SNAP91: variants seen among roughly 807,000 people sequenced by gnomAD.
The protein encoded by SNAP91 is synaptosome associated protein 91, also known as clathrin coat assembly protein AP180.
Under a neutral mutation model 100.3 loss-of-function variants are expected in SNAP91, and 27 were observed. That is an observed-to-expected ratio of 0.27 (90% confidence interval 0.20 to 0.37). SNAP91 has a LOEUF of 0.37. Among genes scored for constraint, SNAP91 ranks in the 10% least tolerant of loss-of-function variants. The probability of loss-of-function intolerance (pLI) is 1.00; values close to 1 mark genes in which losing one functional copy is unlikely to be tolerated. For synonymous variants in SNAP91, 404 were observed against 398.6 expected, an observed-to-expected ratio of 1.01 and a Z score of -0.16; for missense variants, 986 against 1,123.7, an observed-to-expected ratio of 0.88 and a Z score of 1.75.
Position 83,675,880 on chromosome 6 carries a change from C to A in SNAP91, c.131-10299G>T, listed in dbSNP as rs551103217. On this transcript the variant is annotated intron_variant, in intron 2 of 29. Transcript: ENST00000369694. ...CACACAGAGTTATAATTAGATTCAC[C>A]CTTTGGCTGCCAATGTCAAAAAAGA... 2.2e-4 allele frequency among the ~76,000 whole-genome samples: 21 copies of A among 93,366 alleles called. 1 individual carries two copies. The South Asian group carries it at 7.3e-3, about 32-fold the overall frequency. The allele number at this position is 93,366 out of a possible 152,430, so 61.3% of individuals were successfully genotyped here. A position where few individuals can be genotyped will look rare whatever the true frequency, so the allele number is the denominator to read the frequency against.
chr6:83,656,403 G>T (rs576005149), intron 7 of SNAP91, among the ~76,000 whole-genome samples: 1 of 152,216 alleles, frequency 6.6e-6, no homozygotes, highest in East Asian at 1.9e-4. Context: ...TATCATCACT[G>T]CTGAGTCCTC....
Position 83,553,628 on chromosome 6 carries a change from C to G in SNAP91, c.*668G>C, listed in dbSNP as rs1773856612. 1 of 151,986 alleles carries G rather than the reference C, an allele frequency of 6.6e-6. No homozygotes were observed. Among genetic ancestry groups the G allele is most frequent in the Non-Finnish European group, 1.5e-5 (1 of 67,994 alleles). 9.4% of individuals were successfully genotyped at this position (151,986 alleles called of 1,614,324 possible). A position where few individuals can be genotyped will look rare whatever the true frequency, so the allele number is the denominator to read the frequency against. The stretch of plus-strand genomic sequence containing the variant: ...ATATAGCAGTGATAAATAGGGGATT[C>G]TTCCCATACGATTTTTCGTTCTTGA... On this transcript the variant is annotated 3_prime_UTR_variant, in exon 30 of 30. Coordinates refer to ENST00000369694, the MANE Select transcript of SNAP91 (RefSeq NM_001242792.2).
At chr6:83,555,757 A>T (rs1372226612) in intron 29 of SNAP91, among the ~76,000 whole-genome samples, 2 of 152,202 alleles carry the variant, frequency 1.3e-5, no homozygotes, top group Non-Finnish European at 2.9e-5. Flanking sequence ...TAAAAATACA[A>T]TTATGCAGTC....
Position 83,592,939 on chromosome 6 carries a change from C to A in SNAP91, c.1846+7G>T. ...CTCTGAAGTCCTGACCTTGGCAAAG[C>A]ACTCACCAGATAAGAGGTCAGCAGT... On this transcript the variant is annotated splice_region_variant and intron_variant, in intron 20 of 29. Coordinates refer to ENST00000369694, the MANE Select transcript of SNAP91 (RefSeq NM_001242792.2). The A allele has an allele frequency of 6.4e-7, 1 of 1,573,478 alleles. No homozygotes were observed. Among genetic ancestry groups the A allele is most frequent in the Non-Finnish European group, 8.6e-7 (1 of 1,158,226 alleles).
intron 3 of SNAP91, among the ~76,000 whole-genome samples, chr6:83,663,865 C>T (rs2098616953): frequency 6.6e-6 from 1 of 152,116 alleles, no homozygotes; most frequent in Non-Finnish European, 1.5e-5. Context: ...CAGTACCTGA[C>T]TTCAAAACTT....
At chr6:83,593,285 T>TACTCA (rs779114030) in intron 18 of SNAP91, 26 bp from the exon 19 acceptor site, 95 of 1,569,952 alleles carry the variant, frequency 6.1e-5, no homozygotes, top group Non-Finnish European at 8.0e-5. Context: ...CACATGCCTT[T>TACTCA]ACTCAACTTG....
chr6:83,627,343 A>G (rs866107999), intron 8 of SNAP91, among the ~76,000 whole-genome samples: 1 of 151,988 alleles, frequency 6.6e-6, no homozygotes, highest in Non-Finnish European at 1.5e-5. Context: ...AGATTTTAGT[A>G]TCAGGATGAC....
chr6:83,631,182 T>C (rs1254136166), intron 8 of SNAP91, among the ~76,000 whole-genome samples: 2 of 152,186 alleles, frequency 1.3e-5, no homozygotes, highest in South Asian at 2.1e-4. Flanking sequence ...TTTCCAGTTT[T>C]ATTCCACTGT....
chr6:83,579,328 T>A (rs1824531731), intron 24 of SNAP91, among the ~76,000 whole-genome samples: 1 of 152,168 alleles, frequency 6.6e-6, no homozygotes, highest in South Asian at 2.1e-4. Context: ...TGAAAGGGGA[T>A]ACATTATAGT....
intron 2 of SNAP91, among the ~76,000 whole-genome samples, chr6:83,706,528 A>G (rs932608459): frequency 2.0e-5 from 3 of 152,272 alleles, no homozygotes; most frequent in African/African-American, 7.2e-5. Context: ...TCTAGAAACA[A>G]AATTATTCAA....
rs117338734 is a variant in SNAP91, at chr6:83,561,988, T to C, written c.2443-1041A>G. On this transcript the variant is annotated intron_variant, in intron 26 of 29. Transcript: ENST00000369694. Reference sequence around the variant, plus strand: ...ATGCAGTGAGTTGTAATAGCACCACTGTACTTCAGCCTGTGGACAAAGTGA... The same window carrying C: ...ATGCAGTGAGTTGTAATAGCACCACCGTACTTCAGCCTGTGGACAAAGTGA... Among the ~76,000 whole-genome samples, 49 of 152,288 alleles carry C rather than the reference T, an allele frequency of 3.2e-4. 1 individual carries two copies. The East Asian group carries it at 8.9e-3, about 28-fold the overall frequency.
chr6:83,692,301 G>A (rs545784371), intron 2 of SNAP91, among the ~76,000 whole-genome samples: 13 of 152,246 alleles, frequency 8.5e-5, no homozygotes, highest in African/African-American at 3.1e-4. Flanking sequence ...GATCACTTGA[G>A]GTCAAGAGTT....
At chr6:83,662,145 TA>T (rs2098554802) in intron 4 of SNAP91, among the ~76,000 whole-genome samples, 2 of 152,090 alleles carry the variant, frequency 1.3e-5, no homozygotes, top group African/African-American at 4.8e-5. Context: ...GTAAACGTGG[TA>T]AAAACGCCCA....
intron 8 of SNAP91, among the ~76,000 whole-genome samples, chr6:83,627,413 T>C (rs1334803186): frequency 6.6e-6 from 1 of 152,116 alleles, no homozygotes; most frequent in East Asian, 1.9e-4. Context: ...TGAAATAGTT[T>C]CAGTAGAATT....
intron 2 of SNAP91, chr6:83,686,372 G>T: frequency 5.7e-6 from 1 of 174,660 alleles, no homozygotes; most frequent in South Asian, 1.9e-4. Context: ...TTTTTTAAGA[G>T]TTACTGGCTA....
chr6:83,671,841 T>C (rs1033502963), intron 2 of SNAP91, among the ~76,000 whole-genome samples: 6 of 152,114 alleles, frequency 3.9e-5, no homozygotes, highest in African/African-American at 1.2e-4. Context: ...ACTTAAATCC[T>C]AGGAAAAGAT....
chr6:83,559,435 C>T (rs1343265005), intron 28 of SNAP91, among the ~76,000 whole-genome samples: 1 of 152,136 alleles, frequency 6.6e-6, no homozygotes, highest in East Asian at 1.9e-4. Context: ...TAGAACTTTC[C>T]CAGATGATGT....
chr6:83,667,282 G>A (rs984518745), intron 2 of SNAP91, among the ~76,000 whole-genome samples: 32 of 151,940 alleles, frequency 2.1e-4, no homozygotes, highest in Non-Finnish European at 1.6e-4. Flanking sequence ...TTGTAGTGTA[G>A]TATCAAAGAA....
chr6:83,696,772 A>G (rs2099218953), intron 2 of SNAP91, among the ~76,000 whole-genome samples: 1 of 152,068 alleles, frequency 6.6e-6, no homozygotes, highest in Non-Finnish European at 1.5e-5. Flanking sequence ...AATCACCTGT[A>G]ATTATTTCTT....
Sources: gnomAD v4.1 joint callset for allele counts (sites outside exome capture counted in the v4.1 genomes callset) on GRCh38, gnomAD v4.1.1 for gene constraint, MANE v1.5 for transcripts, NCBI Gene and HGNC (gene_info 2026-07-23, HGNC 2026-07-21) for gene names.